Variants in PIK3R6 observed in about 807,000 individuals in gnomAD.
PIK3R6 encodes the protein phosphoinositide 3-kinase regulatory subunit 6.
In PIK3R6, 91 loss-of-function variants were observed where a neutral mutation model predicts 84.9. The observed-to-expected ratio is 1.07, with a 90% CI of 0.90 to 1.28. The LOEUF (loss-of-function observed/expected upper bound fraction) is 1.28. Ranked by LOEUF, PIK3R6 falls within the 50% of genes most tolerant of loss-of-function variation. The pLI, the probability that PIK3R6 is intolerant of heterozygous loss-of-function variation, is 0.00. For synonymous variants in PIK3R6, 416 were observed against 411.4 expected (o/e 1.01, Z -0.13); for missense variants, 996 against 985.1 (o/e 1.01, Z -0.15).
chr17:8,822,951 A>G (rs771907876), intron 15 of PIK3R6, 45 bp downstream of exon 15: 12 of 1,457,456 alleles, frequency 8.2e-6, no homozygotes. Flanking sequence ...AGTTTGGAGA[A>G]GCTGAGTCAG....
intron 1 of PIK3R6, among the ~76,000 whole-genome samples, chr17:8,864,557 T>TA (rs1491256835): frequency 7.9e-6 from 1 of 127,144 alleles, no homozygotes; most frequent in Non-Finnish European, 1.6e-5. Flanking sequence ...TTTTTTTTTT[T>TA]AGACAGAGTC....
At chr17:8,856,071 C>T (rs2089132813) in intron 1 of PIK3R6, among the ~76,000 whole-genome samples, 1 of 152,218 alleles carries the variant, frequency 6.6e-6, no homozygotes, top group Non-Finnish European at 1.5e-5. Flanking sequence ...GCGCTAAATC[C>T]TGCATGCCGT....
At chr17:8,847,164 C>T (rs1340239135) in intron 2 of PIK3R6, among the ~76,000 whole-genome samples, 1 of 152,140 alleles carries the variant, frequency 6.6e-6, no homozygotes, top group Admixed American at 6.5e-5. Flanking sequence ...AAATACTGTT[C>T]TCCCTGTTTG....
At chr17:8,836,086 A>C (rs1254173843) in intron 7 of PIK3R6, among the ~76,000 whole-genome samples, 1 of 152,168 alleles carries the variant, frequency 6.6e-6, no homozygotes, top group East Asian at 1.9e-4. Flanking sequence ...AGCAGGGGAC[A>C]CTTCCTCAGT....
rs1361316438 is a variant in PIK3R6 at position 8,865,315 on chromosome 17, C to T, written c.-92+2214G>A. On this transcript the variant is annotated intron_variant, in intron 1 of 19. Coordinates refer to ENST00000619866, the MANE Select transcript of PIK3R6 (RefSeq NM_001010855.4). ...AAGCTGTTCAGACAGAAGAACCCACCACCTAGGCCTCCCTATACCTGCAGG... is the reference window on the plus strand; with the variant it reads ...AAGCTGTTCAGACAGAAGAACCCACTACCTAGGCCTCCCTATACCTGCAGG... Among the ~76,000 whole-genome samples, 3 of 152,214 alleles carry T rather than the reference C, an allele frequency of 2.0e-5. No individual in the cohort carries two copies. In the East Asian group the frequency reaches 5.8e-4, roughly 29 times the overall value.
intron 10 of PIK3R6, among the ~76,000 whole-genome samples, chr17:8,829,442 A>G (rs1200786480): frequency 2.0e-5 from 3 of 146,984 alleles, no homozygotes; most frequent in African/African-American, 2.5e-5. Flanking sequence ...GGATACACAC[A>G]CTGACACGCA....
Position 8,836,895 on chromosome 17 carries a change from T to C in PIK3R6, c.287A>G (p.Gln96Arg), listed in dbSNP as rs2088487018. The C allele has an allele frequency of 1.3e-6, 2 of 1,549,906 alleles. No individual in the cohort carries two copies. The highest frequency in any genetic ancestry group is 4.9e-5 in the East Asian group (2 of 40,812). ...KATGITEELY[Q>R]RIYAFCTRLL... Reference sequence around the variant, plus strand: ...CCTTGTGCAAAAGGCATAGATTCTCTGGTAGAGCTCTTCTGTGATTCCTGT... The same window carrying C: ...CCTTGTGCAAAAGGCATAGATTCTCCGGTAGAGCTCTTCTGTGATTCCTGT... Residue 96 changes from glutamine (Q) to arginine (R), a missense_variant, in exon 6 of 20, where the codon CAG becomes CGG. Physicochemically the swap from Gln to Arg is conservative, Grantham distance 43 (BLOSUM62 1). Transcript: ENST00000619866.
chr17:8,828,043 G>T, intron 12 of PIK3R6, 69 bp downstream of exon 12: 4 of 1,478,192 alleles, frequency 2.7e-6, no homozygotes, highest in Middle Eastern at 1.9e-4. Flanking sequence ...GGGATGCGGG[G>T]CTGCAGGTGT....
Position 8,803,146 on chromosome 17 carries a change from A to C in PIK3R6, c.*127T>G, listed in dbSNP as rs2087089084. 5 of 1,267,188 alleles carry C rather than the reference A, an allele frequency of 3.9e-6. No homozygotes were observed. The highest frequency in any genetic ancestry group is 5.5e-6 in the Non-Finnish European group (5 of 906,780). 78.5% of individuals were successfully genotyped at this position (1,267,188 alleles called of 1,614,324 possible). A position where few individuals can be genotyped will look rare whatever the true frequency, so the allele number is the denominator to read the frequency against. ...GGGTAGGCTCCCTGTGCTCCCAGGC[A>C]CTCGCTGGCTCCTGGTCAAGGCCAA... On this transcript the variant is annotated 3_prime_UTR_variant, in exon 20 of 20. Coordinates refer to ENST00000619866, the MANE Select transcript of PIK3R6 (RefSeq NM_001010855.4). This position sits in a 1 kb window ranked among gnomAD's most constrained non-coding sequence, Gnocchi z 5.0.
chr17:8,853,689 C>T (rs1326959856), intron 1 of PIK3R6, among the ~76,000 whole-genome samples: 1 of 151,700 alleles, frequency 6.6e-6, no homozygotes, highest in African/African-American at 2.4e-5. Flanking sequence ...CTCAGCCAGG[C>T]ACAGTGGCTC....
intron 18 of PIK3R6, 51 bp from the exon 19 acceptor site, chr17:8,804,204 C>A: frequency 6.8e-7 from 1 of 1,477,782 alleles, no homozygotes; most frequent in Non-Finnish European, 9.4e-7. Flanking sequence ...CGACAGGTGG[C>A]CCTGCCAACA....
At chr17:8,854,355 G>A (rs971730633) in intron 1 of PIK3R6, among the ~76,000 whole-genome samples, 5 of 152,072 alleles carry the variant, frequency 3.3e-5, no homozygotes, top group Non-Finnish European at 7.3e-5. Flanking sequence ...CACTATGTTG[G>A]CCAGGCTGGT....
intron 2 of PIK3R6, among the ~76,000 whole-genome samples, chr17:8,840,152 A>G (rs1361887737): frequency 9.0e-6 from 1 of 110,800 alleles, no homozygotes; most frequent in Non-Finnish European, 1.9e-5. Flanking sequence ...TAGCCTCCAA[A>G]TATATATATG....
At position 8,829,800 on chromosome 17, in the gene PIK3R6, AAGGAGCAGGCTGTGGAGGCCATGGAGG is replaced by A. The variant is rs1301140250; in HGVS notation, c.803-35_803-9del. 8.4e-6 allele frequency: 13 copies of A among 1,549,580 alleles called. No individual in the cohort carries two copies. The highest frequency in any genetic ancestry group is 1.1e-5 in the Non-Finnish European group (13 of 1,146,144). On this transcript the variant is annotated splice_polypyrimidine_tract_variant and intron_variant, in intron 9 of 19. Transcript: ENST00000619866. The stretch of plus-strand genomic sequence containing the variant: ...GCTCTTGGACAAGGTCACCTGCAGA[AAGGAGCAGGCTGTGGAGGCCATGGAGG>A]AGGCCATGGGACCCTCCTCTGCCCT...
At position 8,835,385 on chromosome 17, in the gene PIK3R6, G is replaced by A. The variant is rs545102886; in HGVS notation, c.533C>T (p.Ala178Val). The change falls in exon 8 of 20, where the codon GCG becomes GTG. Residue 178 changes from alanine to valine, a missense_variant. Transcript: ENST00000619866. ...VCSALLLEIEAAQAQQTPETC... is the reference protein window; with the variant it reads ...VCSALLLEIEVAQAQQTPETC... Reference sequence around the variant, plus strand: ...CTCTGGTGTCTGCTGCGCCTGGGCCGCCTCGATCTCCAGTAGCAGAGCACT... The same window carrying A: ...CTCTGGTGTCTGCTGCGCCTGGGCCACCTCGATCTCCAGTAGCAGAGCACT... 89 of 1,611,678 alleles carry A rather than the reference G, an allele frequency of 5.5e-5. 2 individuals are homozygous for A. In the South Asian group the frequency reaches 8.1e-4, roughly 15 times the overall value.
chr17:8,831,623 C>T (rs2088244708), intron 9 of PIK3R6, among the ~76,000 whole-genome samples: 1 of 152,188 alleles, frequency 6.6e-6, no homozygotes, highest in Admixed American at 6.5e-5. Context: ...ATCCTGCCCA[C>T]CTCACCCAAC....
chr17:8,856,755 A>C (rs930126303), intron 1 of PIK3R6, among the ~76,000 whole-genome samples: 1 of 152,140 alleles, frequency 6.6e-6, no homozygotes, highest in Non-Finnish European at 1.5e-5. Context: ...ACCCATAAAC[A>C]GTGGGGTCAC....
chr17:8,857,459 C>G (rs1457986843), intron 1 of PIK3R6, among the ~76,000 whole-genome samples: 1 of 139,694 alleles, frequency 7.2e-6, no homozygotes, highest in East Asian at 1.9e-4. Context: ...CCTCACAGAA[C>G]CCCCCTCTGT....
At chr17:8,829,498 A>G in intron 10 of PIK3R6, among the ~76,000 whole-genome samples, 1 of 120,574 alleles carries the variant, frequency 8.3e-6, no homozygotes, top group Non-Finnish European at 1.7e-5. Context: ...ATACACACAC[A>G]CTGACACACA....
Sources: allele counts gnomAD v4.1 joint callset (sites outside exome capture counted in the v4.1 genomes callset), GRCh38; gene constraint gnomAD v4.1.1; non-coding constraint Gnocchi (gnomAD v3.1); transcripts MANE v1.5; gene names NCBI Gene and HGNC (gene_info 2026-07-23, HGNC 2026-07-21).